Variants in RPL23A observed in about 807,000 individuals in gnomAD.
RPL23A encodes the protein large ribosomal subunit protein uL23.
A neutral mutation model predicts 17.6 loss-of-function variants in RPL23A; 2 were observed. The observed-to-expected ratio is 0.11, with a 90% CI of 0.05 to 0.36. The LOEUF is 0.36. Among genes scored for constraint, RPL23A ranks in the 10% least tolerant of loss-of-function variants. The pLI is 1.00. For missense variants in RPL23A, 132 were observed against 194.4 expected, an observed-to-expected ratio of 0.68 and a Z score of 1.91; for synonymous variants, 65 against 74.3, an observed-to-expected ratio of 0.87 and a Z score of 0.65.
chr17:28,719,992 AC>A lies in RPL23A; in HGVS notation c.-11del. ...AAGCCCGTGGGAACGAGCATTGGAG[AC>A]CCTTTTCACAAGATGGCGCCGAAAG... On this transcript the variant is annotated 5_prime_UTR_variant, in exon 1 of 5. Coordinates refer to ENST00000422514, the MANE Select transcript of RPL23A (RefSeq NM_000984.6). 1 of 1,551,786 alleles carries A rather than the reference AC, an allele frequency of 6.4e-7. No individual in the cohort carries two copies. Among genetic ancestry groups the A allele is most frequent in the Non-Finnish European group, 8.7e-7 (1 of 1,147,020 alleles).
intron 3 of RPL23A, 114 bp downstream of exon 3, chr17:28,723,013 C>T: frequency 1.3e-6 from 1 of 756,694 alleles, no homozygotes; most frequent in East Asian, 2.7e-5. Flanking sequence ...TGCAGGACTA[C>T]ACGTGTAGTC....
chr17:28,722,915 A>T lies in RPL23A; in HGVS notation c.386+16A>T, dbSNP rs770056149. ...CCCTGATTCGGTGAGTTGGGCCTCA[A>T]GGGATGGGGAGCAGGCTGGACCAGC... On this transcript the variant is annotated intron_variant, in intron 3 of 4. Transcript: ENST00000422514. 3 of 1,610,950 alleles carry T rather than the reference A, an allele frequency of 1.9e-6. No homozygotes were observed. The highest frequency in any genetic ancestry group is 3.3e-5 in the Admixed American group (2 of 59,798).
Position 28,720,193 on chromosome 17 carries a change from A to G in RPL23A, c.25+163A>G, listed in dbSNP as rs562271033. 5 of 1,532,584 alleles carry G rather than the reference A, an allele frequency of 3.3e-6. No individual in the cohort carries two copies. In the South Asian group the frequency reaches 4.8e-5, roughly 15 times the overall value. 94.9% of individuals were successfully genotyped at this position (1,532,584 alleles called of 1,614,324 possible). On this transcript the variant is annotated intron_variant, in intron 1 of 4. Coordinates refer to ENST00000422514, the MANE Select transcript of RPL23A (RefSeq NM_000984.6). ...CAGTATACGTGGGCCGCGTGGGCCC[A>G]GCCTCGTGGGCTGAGTTCCGGTAGA...
At chr17:28,721,238 G>C (rs980340776) in intron 2 of RPL23A, 1 of 230,368 alleles carries the variant, frequency 4.3e-6, no homozygotes, top group Non-Finnish European at 8.8e-6. Context: ...TGTAATCCCA[G>C]CTACTCGCGG....
In RPL23A at chr17:28,722,948, A is replaced by G. The variant is rs554998226; in HGVS notation, c.386+49A>G. On this transcript the variant is annotated intron_variant, in intron 3 of 4. Coordinates refer to ENST00000422514, the MANE Select transcript of RPL23A (RefSeq NM_000984.6). ...GGAGCAGGCTGGACCAGCAGTCTGGAGCCAAAAAAACCTGCATTCCATGAA... is the reference window on the plus strand; with the variant it reads ...GGAGCAGGCTGGACCAGCAGTCTGGGGCCAAAAAAACCTGCATTCCATGAA... The G allele has an allele frequency of 7.8e-6, 12 of 1,529,454 alleles. No homozygotes were observed. In the African/African-American group the frequency reaches 1.2e-4, roughly 16 times the overall value. The allele number at this position is 1,529,454 out of a possible 1,614,324, so 94.7% of individuals were successfully genotyped here.
rs769648454 is a variant in RPL23A at position 28,720,010 on chromosome 17, C to A, written c.5C>A (p.Ala2Glu). The change falls in exon 1 of 5, where the codon GCG becomes GAG. Residue 2 changes from alanine to glutamate, a missense_variant. Physicochemically the swap from Ala to Glu is moderately radical, Grantham distance 107. This residue lies in a region of RPL23A where 63 missense variants were observed against 48.9 expected (regional missense o/e 1.29). Coordinates refer to ENST00000422514, the MANE Select transcript of RPL23A (RefSeq NM_000984.6). ...ATTGGAGACCCTTTTCACAAGATGG[C>A]GCCGAAAGCGAAGAAGGAAGGTGTG... M[A>E]PKAKKEAPAP... The A allele has an allele frequency of 1.3e-6, 2 of 1,551,866 alleles. No individual in the cohort carries two copies. Among genetic ancestry groups the A allele is most frequent in the Non-Finnish European group, 1.7e-6 (2 of 1,147,094 alleles).
chr17:28,723,516 GA>G, intron 3 of RPL23A, 54 bp from the exon 4 acceptor site: 1 of 1,241,720 alleles, frequency 8.1e-7, no homozygotes, highest in Non-Finnish European at 1.2e-6. Context: ...GAGGAAGGGG[GA>G]GGGTGTGGGG....
At chr17:28,720,972 G>C in intron 2 of RPL23A, 82 bp downstream of exon 2, 1 of 1,260,282 alleles carries the variant, frequency 7.9e-7, no homozygotes, top group Admixed American at 2.0e-5. Flanking sequence ...CTGCGTGATG[G>C]TTTCTCAAAC....
At chr17:28,722,570 C>T (rs1482969451) in intron 2 of RPL23A, 153 bp from the exon 3 acceptor site, 1 of 786,566 alleles carries the variant, frequency 1.3e-6, no homozygotes, top group Admixed American at 1.7e-5. Flanking sequence ...GCTTCAGGCC[C>T]TTAGATTTCA....
At chr17:28,720,567 G>A (rs748425072) in intron 1 of RPL23A, 140 bp from the exon 2 acceptor site, 3 of 1,390,654 alleles carry the variant, frequency 2.2e-6, no homozygotes, top group African/African-American at 2.8e-5. Context: ...TGATGGAAAA[G>A]TTTTAATCTC....
At chr17:28,720,053 C>G in intron 1 of RPL23A, 23 bp downstream of exon 1, 1 of 1,551,234 alleles carries the variant, frequency 6.4e-7, no homozygotes, top group Non-Finnish European at 8.7e-7. Context: ...GATGGGGCCG[C>G]AGCTGGTTTA....
rs1188115670 is a variant in RPL23A, at chr17:28,722,817, G to A, written c.304G>A (p.Val102Ile). Residue 102 changes from valine to isoleucine, a missense_variant, in exon 3 of 5, where the codon GTT becomes ATT. By Grantham distance (29) the Val-to-Ile change is conservative (BLOSUM62 3). This residue lies in a region of RPL23A where 69 missense variants were observed against 145.5 expected (regional missense o/e 0.47). Coordinates refer to ENST00000422514, the MANE Select transcript of RPL23A (RefSeq NM_000984.6). ...CAACACACTTGTGTTCATTGTGGATGTTAAAGCCAACAAGCACCAGATTAA... is the reference window on the plus strand; with the variant it reads ...CAACACACTTGTGTTCATTGTGGATATTAAAGCCAACAAGCACCAGATTAA... The part of the protein sequence containing the change: ...DNNTLVFIVD[V>I]KANKHQIKQA... 6.2e-7 allele frequency: 1 copy of A among 1,613,756 alleles called. No homozygotes were observed. Among genetic ancestry groups the A allele is most frequent in the Admixed American group, 1.7e-5 (1 of 60,016 alleles).
At position 28,724,292 on chromosome 17, in the gene RPL23A, T is replaced by TA; in HGVS notation, c.*412dup. ...ATTTTGTCCTCACACACCCATCTAC[T>TA]ATGTCCAACCGGTCTGTCTGCTTCC... On this transcript the variant is annotated 3_prime_UTR_variant, in exon 5 of 5. Transcript: ENST00000422514. The TA allele has an allele frequency of 1.5e-6, 1 of 655,350 alleles. No homozygotes were observed. Among genetic ancestry groups the TA allele is most frequent in the South Asian group, 1.9e-5 (1 of 52,756 alleles). 40.6% of individuals were successfully genotyped at this position (655,350 alleles called of 1,614,324 possible).
chr17:28,724,062 T>C lies in RPL23A; in HGVS notation c.*181T>C, dbSNP rs971429942. The C allele has an allele frequency of 1.3e-5, 7 of 554,454 alleles. No homozygotes were observed. Among genetic ancestry groups the C allele is most frequent in the Non-Finnish European group, 2.2e-5 (7 of 320,522 alleles). 34.3% of individuals were successfully genotyped at this position (554,454 alleles called of 1,614,324 possible). A position where few individuals can be genotyped will look rare whatever the true frequency, so the allele number is the denominator to read the frequency against. ...AATACCTCACCCTGCCACTCCACCA[T>C]GTATGATCATTCCAGAGATCTTTGT... On this transcript the variant is annotated 3_prime_UTR_variant, in exon 5 of 5. Coordinates refer to ENST00000422514, the MANE Select transcript of RPL23A (RefSeq NM_000984.6).
intron 2 of RPL23A, chr17:28,722,263 A>AG (rs1555561601): frequency 6.0e-4 from 126 of 210,322 alleles, no homozygotes; most frequent in South Asian, 1.9e-3. Context: ...AAAAAAAAAA[A>AG]GGAATTTGCC....
At position 28,723,294 on chromosome 17, in the gene RPL23A, A is replaced by G. The variant is rs976917984; in HGVS notation, c.387-277A>G. On this transcript the variant is annotated intron_variant, in intron 3 of 4. Transcript: ENST00000422514. The stretch of plus-strand genomic sequence containing the variant: ...AGGACTTGATTGGGGGTTGGTCCTC[A>G]TTTTCTGGGTCCCTACTTCTATTGG... 7 of 601,810 alleles carry G rather than the reference A, an allele frequency of 1.2e-5. No homozygotes were observed. The African/African-American group carries it at 1.3e-4, about 11-fold the overall frequency. 37.3% of individuals were successfully genotyped at this position (601,810 alleles called of 1,614,324 possible).
Position 28,722,771 on chromosome 17 carries a change from C to G in RPL23A, c.258C>G (p.Ala86=). The change falls in exon 3 of 5, where the codon GCC becomes GCG. Residue 86 remains alanine, a synonymous_variant. Coordinates refer to ENST00000422514, the MANE Select transcript of RPL23A (RefSeq NM_000984.6). Reference sequence around the variant, plus strand: ...AGTTTCCGCTGACCACTGAGTCTGCCATGAAGAAGATAGAAGACAACAACA... The same window carrying G: ...AGTTTCCGCTGACCACTGAGTCTGCGATGAAGAAGATAGAAGACAACAACA... ...IIKFPLTTES[A]MKKIEDNNTL... The G allele has an allele frequency of 1.2e-6, 2 of 1,613,844 alleles. No individual in the cohort carries two copies. Among genetic ancestry groups the G allele is most frequent in the South Asian group, 2.2e-5 (2 of 91,080 alleles).
At position 28,723,696 on chromosome 17, in the gene RPL23A, A is replaced by T. The variant is rs753646464; in HGVS notation, c.456+56A>T. On this transcript the variant is annotated intron_variant, in intron 4 of 4. Coordinates refer to ENST00000422514, the MANE Select transcript of RPL23A (RefSeq NM_000984.6). ...CTCACCCCTTGGGTGCAAATGATGCATATGTTAGCGACCAAAGCCTGATCT... is the reference window on the plus strand; with the variant it reads ...CTCACCCCTTGGGTGCAAATGATGCTTATGTTAGCGACCAAAGCCTGATCT... The T allele has an allele frequency of 3.3e-6, 5 of 1,497,212 alleles. No homozygotes were observed. In the African/African-American group the frequency reaches 4.1e-5, roughly 12 times the overall value. The allele number at this position is 1,497,212 out of a possible 1,614,324, so 92.7% of individuals were successfully genotyped here.
At position 28,723,560 on chromosome 17, in the gene RPL23A, C is replaced by G; in HGVS notation, c.387-11C>G. On this transcript the variant is annotated splice_polypyrimidine_tract_variant and intron_variant, in intron 3 of 4. Coordinates refer to ENST00000422514, the MANE Select transcript of RPL23A (RefSeq NM_000984.6). Reference sequence around the variant, plus strand: ...GGGTGGCAGGGACTAAGGCTTCCTTCTCTACCCTAGGCCTGATGGAGAGAA... The same window carrying G: ...GGGTGGCAGGGACTAAGGCTTCCTTGTCTACCCTAGGCCTGATGGAGAGAA... 2 of 1,611,370 alleles carry G rather than the reference C, an allele frequency of 1.2e-6. No homozygotes were observed. Among genetic ancestry groups the G allele is most frequent in the Non-Finnish European group, 1.7e-6 (2 of 1,177,556 alleles).
Sources: allele counts gnomAD v4.1 joint callset, GRCh38; gene constraint gnomAD v4.1.1; regional missense constraint gnomAD v4.1.1; transcripts MANE v1.5; gene names NCBI Gene and HGNC (gene_info 2026-07-23, HGNC 2026-07-21).